The following DDX50 variants were observed in gnomAD, a reference collection of about 807,000 sequenced individuals.
The protein encoded by DDX50 is ATP-dependent RNA helicase DDX50.
A neutral mutation model predicts 94.8 loss-of-function variants in DDX50; 56 were observed. That is an observed-to-expected ratio of 0.59 (90% CI 0.48 to 0.74). The LOEUF is 0.74. Among genes scored for constraint, DDX50 ranks in the 30% least tolerant of loss-of-function variants. The pLI is 0.00. For missense variants in DDX50, 713 were observed against 881.2 expected, an observed-to-expected ratio of 0.81 and a Z score of 2.42; for synonymous variants, 264 against 295.4, an observed-to-expected ratio of 0.89 and a Z score of 1.09.
chr10:68,940,440 G>T (rs1842529401), intron 12 of DDX50, among the ~76,000 whole-genome samples: 1 of 149,668 alleles, frequency 6.7e-6, no homozygotes, highest in African/African-American at 2.5e-5. Flanking sequence ...TTTTTTTTGA[G>T]ACAGGGTCTA....
chr10:68,901,973 A>G (rs1466464537), intron 1 of DDX50, among the ~76,000 whole-genome samples: 1 of 152,190 alleles, frequency 6.6e-6, no homozygotes, highest in East Asian at 1.9e-4. Flanking sequence ...GAGACTTGCC[A>G]GGATTTGTCA....
intron 1 of DDX50, among the ~76,000 whole-genome samples, chr10:68,905,231 C>T (rs1841412575): frequency 6.6e-6 from 1 of 152,032 alleles, no homozygotes; most frequent in African/African-American, 2.4e-5. Flanking sequence ...GGCTAAAGTC[C>T]TAAATTCCCA....
intron 4 of DDX50, chr10:68,911,858 A>G (rs1237258182): frequency 1.3e-5 from 2 of 152,200 alleles, no homozygotes; most frequent in Admixed American, 6.5e-5. Context: ...TGTAAAATCA[A>G]CCAACAGAGA....
intron 8 of DDX50, among the ~76,000 whole-genome samples, chr10:68,924,574 T>C (rs1216835403): frequency 3.3e-5 from 5 of 152,220 alleles, no homozygotes; most frequent in African/African-American, 4.8e-5. Flanking sequence ...TTGGTGAGAA[T>C]ACTTCTGGCG....
chr10:68,909,399 A>G (rs1267428273), intron 2 of DDX50, among the ~76,000 whole-genome samples: 2 of 152,228 alleles, frequency 1.3e-5, no homozygotes, highest in Non-Finnish European at 2.9e-5. Flanking sequence ...AGAAATCTTC[A>G]AGCTTACGGT....
intron 2 of DDX50, among the ~76,000 whole-genome samples, chr10:68,907,704 AGTG>A (rs2132022327): frequency 6.6e-6 from 1 of 151,866 alleles, no homozygotes; most frequent in South Asian, 2.1e-4. Context: ...TTTGGGGAAA[AGTG>A]TTGAATCCTT....
chr10:68,943,973 T>C lies in DDX50; in HGVS notation c.1935+716T>C, dbSNP rs565365638. Among the ~76,000 whole-genome samples, 5 of 152,328 alleles carry C rather than the reference T, an allele frequency of 3.3e-5. No individual in the cohort carries two copies. In the East Asian group the frequency reaches 5.8e-4, roughly 18 times the overall value. ...ACCCAACACTCAGCTTCAACAATTA[T>C]CAGTTCATAGCCAGTTTTGTTTCAT... is the stretch of plus-strand genomic sequence containing the variant. On this transcript the variant is annotated intron_variant, in intron 14 of 14. Transcript: ENST00000373585.
chr10:68,945,467 C>T (rs924937810), intron 14 of DDX50, among the ~76,000 whole-genome samples: 3 of 151,992 alleles, frequency 2.0e-5, no homozygotes, highest in Non-Finnish European at 2.9e-5. Flanking sequence ...CCACCATGCC[C>T]GGCTAATTTT....
chr10:68,907,817 G>A (rs1841502891), intron 2 of DDX50, among the ~76,000 whole-genome samples: 1 of 151,644 alleles, frequency 6.6e-6, no homozygotes, highest in Non-Finnish European at 1.5e-5. Flanking sequence ...TGTATTTCTA[G>A]CAGTGGAATG....
chr10:68,924,817 A>G (rs1470918516), intron 8 of DDX50, among the ~76,000 whole-genome samples: 1 of 152,084 alleles, frequency 6.6e-6, no homozygotes, highest in Non-Finnish European at 1.5e-5. Flanking sequence ...TTGTCCTGGA[A>G]AGTGAGCATT....
intron 8 of DDX50, among the ~76,000 whole-genome samples, chr10:68,925,566 T>G (rs1842061884): frequency 6.6e-6 from 1 of 152,220 alleles, no homozygotes; most frequent in South Asian, 2.1e-4. Context: ...TAACTAATTG[T>G]GTAGCATTAG....
chr10:68,908,445 C>G (rs942778155), intron 2 of DDX50, among the ~76,000 whole-genome samples: 2 of 121,502 alleles, frequency 1.6e-5, no homozygotes, highest in African/African-American at 6.5e-5. Flanking sequence ...GAGCGAAACT[C>G]CATCTCAAAA....
intron 8 of DDX50, among the ~76,000 whole-genome samples, chr10:68,929,898 A>G (rs1431400910): frequency 6.6e-6 from 1 of 151,022 alleles, no homozygotes; most frequent in African/African-American, 2.4e-5. Context: ...ATACCCGGCT[A>G]ATTTTTGTAT....
chr10:68,916,094 G>A (rs1274477281), intron 7 of DDX50, among the ~76,000 whole-genome samples: 1 of 152,180 alleles, frequency 6.6e-6, no homozygotes, highest in Non-Finnish European at 1.5e-5. Context: ...GGTAGCTCAT[G>A]CCTGTAATCC....
At chr10:68,946,246 A>T in intron 14 of DDX50, 106 bp from the exon 15 acceptor site, 1 of 1,334,402 alleles carries the variant, frequency 7.5e-7, no homozygotes, top group Non-Finnish European at 1.0e-6. Context: ...AACAGAATAG[A>T]TGGCCTTTAG....
intron 1 of DDX50, among the ~76,000 whole-genome samples, chr10:68,905,714 C>T (rs1283521082): frequency 6.6e-6 from 1 of 152,206 alleles, no homozygotes; most frequent in Non-Finnish European, 1.5e-5. Flanking sequence ...GAGTTTGAGA[C>T]CAGTCTGGCC....
At chr10:68,935,511 CTGAAATT>C (rs1842381960) in intron 10 of DDX50, among the ~76,000 whole-genome samples, 1 of 151,258 alleles carries the variant, frequency 6.6e-6, no homozygotes, top group African/African-American at 2.4e-5. Context: ...TTTTCTCTTT[CTGAAATT>C]TGTAATTGAT....
At position 68,931,802 on chromosome 10, in the gene DDX50, A is replaced by G. The variant is rs1842282030; in HGVS notation, c.1240-2397A>G. On this transcript the variant is annotated intron_variant, in intron 8 of 14. Coordinates refer to ENST00000373585, the MANE Select transcript of DDX50 (RefSeq NM_024045.2). Reference sequence around the variant, plus strand: ...TCATATTGTCCTCAGGATAAAGTTCATATTCTATTCCAATCTCATCTCTCA... The same window carrying G: ...TCATATTGTCCTCAGGATAAAGTTCGTATTCTATTCCAATCTCATCTCTCA... 4.6e-5 allele frequency among the ~76,000 whole-genome samples: 7 copies of G among 152,010 alleles called. No individual in the cohort carries two copies. The South Asian group carries it at 1.5e-3, about 32-fold the overall frequency.
intron 13 of DDX50, among the ~76,000 whole-genome samples, chr10:68,942,211 T>G (rs1768393981): frequency 6.6e-6 from 1 of 152,234 alleles, no homozygotes; most frequent in African/African-American, 2.4e-5. Flanking sequence ...ATTAATGATA[T>G]GAATTAAATA....
Sources: gnomAD v4.1 joint callset for allele counts (sites outside exome capture counted in the v4.1 genomes callset) on GRCh38, gnomAD v4.1.1 for gene constraint, MANE v1.5 for transcripts, NCBI Gene and HGNC (gene_info 2026-07-23, HGNC 2026-07-21) for gene names.